The following NUP155 variants were observed in gnomAD, a reference collection of about 807,000 sequenced individuals.
NUP155 encodes the protein nuclear pore complex protein Nup155.
In NUP155, 71 loss-of-function variants were observed where a neutral mutation model predicts 180.4. That is an observed-to-expected ratio of 0.39 (90% CI 0.33 to 0.48). NUP155 has a LOEUF of 0.48. Among genes scored for constraint, NUP155 ranks in the 20% least tolerant of loss-of-function variants. The pLI, the probability that NUP155 is intolerant of heterozygous loss-of-function variation, is 0.91. For synonymous variants in NUP155, 582 were observed against 559.5 expected, an observed-to-expected ratio of 1.04 and a Z score of -0.57; for missense variants, 1,553 against 1,648.9, an observed-to-expected ratio of 0.94 and a Z score of 1.01.
chr5:37,312,059 T>C (rs1743565369), intron 22 of NUP155, among the ~76,000 whole-genome samples: 1 of 152,054 alleles, frequency 6.6e-6, no homozygotes, highest in Non-Finnish European at 1.5e-5. Context: ...AAATAAATAT[T>C]ACCCTTTTGT....
intron 32 of NUP155, among the ~76,000 whole-genome samples, chr5:37,294,940 A>C (rs1231375860): frequency 6.6e-6 from 1 of 152,132 alleles, no homozygotes; most frequent in African/African-American, 2.4e-5. Context: ...AAAACTCAGA[A>C]AGATATAAGA....
chr5:37,314,970 G>A (rs143140718), intron 21 of NUP155, among the ~76,000 whole-genome samples: 10 of 152,298 alleles, frequency 6.6e-5, no homozygotes, highest in African/African-American at 1.7e-4. Context: ...GGTGGCTCAC[G>A]CAAGTAATCC....
intron 19 of NUP155, among the ~76,000 whole-genome samples, chr5:37,325,260 T>A (rs1744514895): frequency 6.6e-6 from 1 of 152,156 alleles, no homozygotes; most frequent in South Asian, 2.1e-4. Context: ...TGTCAAAGTA[T>A]TACATAGTAA....
chr5:37,361,285 A>AAAAAAAAAAAAAAG (rs397997410), intron 3 of NUP155, among the ~76,000 whole-genome samples: 1 of 141,470 alleles, frequency 7.1e-6, no homozygotes, highest in African/African-American at 3.0e-5. Flanking sequence ...AAAAAAAAAA[A>AAAAAAAAAAAAAAG]GACAATGGCT....
rs1742153459 is a variant in NUP155 at position 37,289,709 on chromosome 5, G to A, written c.*2191C>T. The A allele has an allele frequency of 6.6e-6, 1 of 152,176 alleles. No homozygotes were observed. The highest frequency in any genetic ancestry group is 1.5e-5 in the Non-Finnish European group (1 of 68,048). The allele number at this position is 152,176 out of a possible 1,614,324, so 9.4% of individuals were successfully genotyped here. On this transcript the variant is annotated 3_prime_UTR_variant, in exon 35 of 35. Transcript: ENST00000231498. ...CCCTTTTAAAACATGTACTTTCAATGTTGTGAGCTGAGTATATATAACAAC... is the reference window on the plus strand; with the variant it reads ...CCCTTTTAAAACATGTACTTTCAATATTGTGAGCTGAGTATATATAACAAC...
chr5:37,301,797 A>G (rs1742876771), intron 29 of NUP155, among the ~76,000 whole-genome samples: 1 of 152,228 alleles, frequency 6.6e-6, no homozygotes, highest in Non-Finnish European at 1.5e-5. Context: ...CCAAATGGTT[A>G]GACTATACAG....
rs963173574 is a variant in NUP155, at chr5:37,303,249, T to C, written c.3317+11A>G. 6 of 1,613,750 alleles carry C rather than the reference T, an allele frequency of 3.7e-6. No homozygotes were observed. The South Asian group carries it at 6.6e-5, about 18-fold the overall frequency. ...TGAATCATTCTTCACAATAAGAATATTATGCCATACCTATGCATGTCAGCC... is the reference window on the plus strand; with the variant it reads ...TGAATCATTCTTCACAATAAGAATACTATGCCATACCTATGCATGTCAGCC... On this transcript the variant is annotated intron_variant, in intron 28 of 34. Transcript: ENST00000231498.
At chr5:37,299,096 T>C in intron 31 of NUP155, 118 bp from the exon 32 acceptor site, 1 of 722,814 alleles carries the variant, frequency 1.4e-6, no homozygotes, top group Non-Finnish European at 2.5e-6. Flanking sequence ...GTCACATTAA[T>C]ATGATTAACA....
chr5:37,311,346 T>C (rs1191806100), intron 22 of NUP155, among the ~76,000 whole-genome samples: 1 of 152,206 alleles, frequency 6.6e-6, no homozygotes, highest in Non-Finnish European at 1.5e-5. Context: ...AAGAGAGCTT[T>C]GAAGATGGAT....
chr5:37,317,425 T>G (rs979897556), intron 21 of NUP155, among the ~76,000 whole-genome samples: 30 of 151,586 alleles, frequency 2.0e-4, no homozygotes, highest in Admixed American at 1.9e-3. Flanking sequence ...GAGGCAGAGG[T>G]TGCAGTGAGC....
intron 21 of NUP155, among the ~76,000 whole-genome samples, 172 bp from the exon 22 acceptor site, chr5:37,314,500 T>C (rs573132785): frequency 2.0e-5 from 3 of 152,356 alleles, no homozygotes; most frequent in African/African-American, 7.2e-5. Context: ...TGTGTGTATA[T>C]ATATATGCTT....
At chr5:37,328,849 T>C (rs924258811) in intron 16 of NUP155, among the ~76,000 whole-genome samples, 3 of 152,192 alleles carry the variant, frequency 2.0e-5, no homozygotes, top group Non-Finnish European at 4.4e-5. Context: ...GTCCACGATA[T>C]ATGCAAGAAT....
At chr5:37,370,662 A>G in intron 1 of NUP155, 159 bp downstream of exon 1, 1 of 1,591,718 alleles carries the variant, frequency 6.3e-7, no homozygotes, top group East Asian at 2.2e-5. Context: ...GGAAAGGAAA[A>G]AACCTGAAAA....
chr5:37,317,198 T>A (rs1743947442), intron 21 of NUP155, among the ~76,000 whole-genome samples: 1 of 141,468 alleles, frequency 7.1e-6, no homozygotes, highest in Admixed American at 7.1e-5. Flanking sequence ...TAAAATAAAG[T>A]AAAAATGGGG....
rs1051289621 is a variant in NUP155, at chr5:37,364,496, A to G, written c.158-112T>C. On this transcript the variant is annotated intron_variant, in intron 1 of 34. Coordinates refer to ENST00000231498, the MANE Select transcript of NUP155 (RefSeq NM_153485.3). ...GTGTGTTGGTTCCAAAGGTACAGAGAGAATATTCTAGTTTTGACCCAACAC... is the reference window on the plus strand; with the variant it reads ...GTGTGTTGGTTCCAAAGGTACAGAGGGAATATTCTAGTTTTGACCCAACAC... 5 of 879,784 alleles carry G rather than the reference A, an allele frequency of 5.7e-6. No homozygotes were observed. The Admixed American group carries it at 5.7e-5, about 10-fold the overall frequency. 54.5% of individuals were successfully genotyped at this position (879,784 alleles called of 1,614,324 possible). A position where few individuals can be genotyped will look rare whatever the true frequency, so the allele number is the denominator to read the frequency against.
At chr5:37,292,161 T>A in intron 34 of NUP155, 123 bp from the exon 35 acceptor site, 1 of 893,140 alleles carries the variant, frequency 1.1e-6, no homozygotes, top group Non-Finnish European at 1.8e-6. Context: ...TGTGATTAAG[T>A]AAATAAGAAA....
chr5:37,308,373 T>G (rs111705477), intron 24 of NUP155, among the ~76,000 whole-genome samples: 7,067 of 151,922 alleles, frequency 0.047, 565 homozygotes, highest in African/African-American at 0.16. Flanking sequence ...GCTAACATGG[T>G]AAAACCCCAC....
At chr5:37,318,140 C>T (rs1561780549) in intron 20 of NUP155, 55 bp from the exon 21 acceptor site, 2 of 947,814 alleles carry the variant, frequency 2.1e-6, no homozygotes, top group South Asian at 2.6e-5. Context: ...TGAGATATAA[C>T]ACATACAGTA....
intron 4 of NUP155, among the ~76,000 whole-genome samples, chr5:37,356,919 C>T (rs1363090554): frequency 6.6e-6 from 1 of 152,000 alleles, no homozygotes; most frequent in Non-Finnish European, 1.5e-5. Context: ...ACCAGCCTGG[C>T]CAACATGGCA....
Sources: gnomAD v4.1 joint callset for allele counts (sites outside exome capture counted in the v4.1 genomes callset) on GRCh38, gnomAD v4.1.1 for gene constraint, MANE v1.5 for transcripts, NCBI Gene and HGNC (gene_info 2026-07-23, HGNC 2026-07-21) for gene names.